The following SPRY3 variants were observed in gnomAD, a reference collection of about 807,000 sequenced individuals.
The protein encoded by SPRY3 is sprouty RTK signaling antagonist 3, also known as protein sprouty homolog 3.
SPRY3 carries 15 observed loss-of-function variants against 20.2 expected under a neutral mutation model. The observed-to-expected ratio is 0.74, with a 90% CI of 0.50 to 1.14. The LOEUF (loss-of-function observed/expected upper bound fraction) is 1.14. Ranked by LOEUF, SPRY3 falls within the 50% of genes most tolerant of loss-of-function variation. The pLI is 0.00. For missense variants in SPRY3, 364 were observed against 363.9 expected, an observed-to-expected ratio of 1.00 and a Z score of 0.00; for synonymous variants, 143 against 136.5, an observed-to-expected ratio of 1.05 and a Z score of -0.33.
rs189234453 is a variant in SPRY3 at position 155,653,132 on chromosome X, A to T, written c.-440-3735A>T. Among the ~76,000 whole-genome samples the T allele has an allele frequency of 5.1e-4, 57 of 111,728 alleles. 1 individual carries two copies. The East Asian group carries it at 0.014, about 27-fold the overall frequency. ...CTGAACACTAGATCCTTATCTAGTT[A>T]TCAGATATATGGACCCTTATCTAGT... On this transcript the variant is annotated intron_variant, in intron 1 of 3. Transcript: ENST00000675360.
intron 2 of SPRY3, among the ~76,000 whole-genome samples, chrX:155,716,904 C>A (rs1478857850): frequency 6.7e-6 from 1 of 149,316 alleles, no homozygotes; most frequent in Non-Finnish European, 1.5e-5. Flanking sequence ...GAGGCTGAGG[C>A]GGGCGGATTG....
At chrX:155,723,387 A>C (rs2091075427) in intron 2 of SPRY3, among the ~76,000 whole-genome samples, 1 of 152,146 alleles carries the variant, frequency 6.6e-6, no homozygotes, top group South Asian at 2.1e-4. Flanking sequence ...GAACTAATTT[A>C]CACTCCCACC....
intron 2 of SPRY3, among the ~76,000 whole-genome samples, chrX:155,728,291 C>T (rs1314820370): frequency 5.3e-5 from 8 of 152,272 alleles, no homozygotes; most frequent in South Asian, 4.1e-4. Context: ...CTTGAGGAGG[C>T]GGTCTGTTTC....
chrX:155,720,665 G>A (rs1423504710), intron 2 of SPRY3, among the ~76,000 whole-genome samples: 1 of 152,116 alleles, frequency 6.6e-6, no homozygotes, highest in Non-Finnish European at 1.5e-5. Flanking sequence ...GTAATCTAGA[G>A]AATTCTTCCA....
At chrX:155,684,409 G>A (rs1355813096) in intron 2 of SPRY3, among the ~76,000 whole-genome samples, 1 of 111,013 alleles carries the variant, frequency 9.0e-6, no homozygotes, top group Non-Finnish European at 1.9e-5. Context: ...GGGGGACATT[G>A]CTTTAGGGTT....
chrX:155,659,140 T>TTTCTTTCC (rs2068001915), intron 2 of SPRY3, among the ~76,000 whole-genome samples: 1 of 105,294 alleles, frequency 9.5e-6, no homozygotes, highest in Non-Finnish European at 1.9e-5. Flanking sequence ...TCTTTCTTTC[T>TTTCTTTCC]TTCTTTCTTT....
intron 1 of SPRY3, among the ~76,000 whole-genome samples, chrX:155,656,729 T>C (rs915776760): frequency 1.8e-5 from 2 of 111,803 alleles, no homozygotes; most frequent in Non-Finnish European, 3.8e-5. Context: ...CTCATCCTCA[T>C]GGATTTATCT....
At chrX:155,646,776 C>T (rs2067959207) in intron 1 of SPRY3, among the ~76,000 whole-genome samples, 1 of 110,634 alleles carries the variant, frequency 9.0e-6, no homozygotes, top group Non-Finnish European at 1.9e-5. Flanking sequence ...TTTTTATTTC[C>T]TTTAATTCTT....
chrX:155,702,326 T>A (rs2090919230), intron 2 of SPRY3, among the ~76,000 whole-genome samples: 1 of 7,250 alleles, frequency 1.4e-4, no homozygotes, highest in Non-Finnish European at 2.7e-4. Flanking sequence ...AAGAGGTCCT[T>A]CACATCCCTT....
At chrX:155,620,299 T>C (rs991410775) in intron 1 of SPRY3, among the ~76,000 whole-genome samples, 4 of 111,407 alleles carry the variant, frequency 3.6e-5, no homozygotes, top group Non-Finnish European at 7.6e-5. Flanking sequence ...CAGATTCTTA[T>C]AAAGTTAAAC....
Position 155,697,727 on chromosome X carries a change from G to T in SPRY3, c.-282+40702G>T, listed in dbSNP as rs1177829587. 6.4e-5 allele frequency among the ~76,000 whole-genome samples: 7 copies of T among 109,041 alleles called. No homozygotes were observed. In the East Asian group the frequency reaches 1.5e-3, roughly 23 times the overall value. 94.7% of individuals were successfully genotyped at this position (109,041 alleles called of 115,157 possible). A position where few individuals can be genotyped will look rare whatever the true frequency, so the allele number is the denominator to read the frequency against. On this transcript the variant is annotated intron_variant, in intron 2 of 3. Coordinates refer to ENST00000675360, the Ensembl canonical transcript of SPRY3. ...TAATGCAACCCATTTCTCATATAAAGAAACTTAGACATGGATTTGAGTTTG... is the reference window on the plus strand; with the variant it reads ...TAATGCAACCCATTTCTCATATAAATAAACTTAGACATGGATTTGAGTTTG...
chrX:155,720,152 G>A (rs1243578349), intron 2 of SPRY3, among the ~76,000 whole-genome samples: 1 of 152,152 alleles, frequency 6.6e-6, no homozygotes, highest in East Asian at 1.9e-4. Context: ...ATTGACAGTA[G>A]TCTGACAATA....
downstream of SPRY3, chrX:155,777,634 A>ATT (rs1325725375): frequency 0.011 from 35 of 3,216 alleles, 1 homozygote; most frequent in East Asian, 0.056. Flanking sequence ...CCCTTCTGTG[A>ATT]TTATATATAT....
At chrX:155,649,077 C>T (rs781961333) in intron 1 of SPRY3, among the ~76,000 whole-genome samples, 10 of 111,314 alleles carry the variant, frequency 9.0e-5, no homozygotes, top group South Asian at 3.8e-4. Context: ...AGGAAGAAGT[C>T]GAATCACTGA....
At chrX:155,688,805 C>G (rs746106129) in intron 2 of SPRY3, among the ~76,000 whole-genome samples, 3 of 57,409 alleles carry the variant, frequency 5.2e-5, no homozygotes, top group Admixed American at 1.8e-4. Flanking sequence ...TAGCTCTTTT[C>G]CCTAATGCTC....
In SPRY3 at chrX:155,756,858, GA is replaced by G. The variant is rs954285829; in HGVS notation, c.-281-11095del. On this transcript the variant is annotated intron_variant, in intron 2 of 3. Transcript: ENST00000675360. ...ATAGGTGATGCCTTTCACTGAATGA[GA>G]AAAAAAAACTAGAAAATGGGTATTT... 3.2e-3 allele frequency among the ~76,000 whole-genome samples: 477 copies of G among 150,296 alleles called. 10 individuals are homozygous for G. Among genetic ancestry groups the G allele is most frequent in the Admixed American group, 0.028 (417 of 15,094 alleles).
At chrX:155,692,678 G>C (rs1404400845) in intron 2 of SPRY3, among the ~76,000 whole-genome samples, 4 of 110,516 alleles carry the variant, frequency 3.6e-5, no homozygotes, top group African/African-American at 9.8e-5. Flanking sequence ...TCTGGACCTG[G>C]GATTTCTTAG....
intron 2 of SPRY3, among the ~76,000 whole-genome samples, chrX:155,735,940 T>C (rs1226535572): frequency 6.6e-6 from 1 of 151,960 alleles, no homozygotes; most frequent in Non-Finnish European, 1.5e-5. Flanking sequence ...TATTATATGA[T>C]TCAATGTTCT....
At chrX:155,747,177 G>T (rs1363487187) in intron 2 of SPRY3, among the ~76,000 whole-genome samples, 2 of 151,780 alleles carry the variant, frequency 1.3e-5, no homozygotes, top group Non-Finnish European at 2.9e-5. Context: ...CATAATTATA[G>T]AATTCTGCTT....
Sources: allele counts gnomAD v4.1 joint callset (sites outside exome capture counted in the v4.1 genomes callset), GRCh38; gene constraint gnomAD v4.1.1; transcripts MANE v1.5; gene names NCBI Gene and HGNC (gene_info 2026-07-23, HGNC 2026-07-21).